COPA: variants seen among roughly 807,000 people sequenced by gnomAD.
COPA encodes coat protein complex I subunit alpha.
A neutral mutation model predicts 158.7 loss-of-function variants in COPA; 10 were observed. That is an observed-to-expected ratio of 0.06 (90% CI 0.04 to 0.11). The LOEUF (loss-of-function observed/expected upper bound fraction) is 0.11. Ranked by LOEUF, COPA falls within the 10% of genes least tolerant of loss-of-function variation. The pLI is 1.00. For synonymous variants in COPA, 462 were observed against 542.8 expected (o/e 0.85, Z 2.07); for missense variants, 1,065 against 1,536.7 (o/e 0.69, Z 5.13).
At position 160,315,528 on chromosome 1, in the gene COPA, G is replaced by A. The variant is rs1659104588; in HGVS notation, c.707-1403C>T. On this transcript the variant is annotated intron_variant, in intron 8 of 32. Coordinates refer to ENST00000241704, the MANE Select transcript of COPA (RefSeq NM_004371.4). Reference sequence around the variant, plus strand: ...AATCCCTTTGGGACCTCCCCATTCAGGACAGACAATGCTCTGGTCATTTAC... The same window carrying A: ...AATCCCTTTGGGACCTCCCCATTCAAGACAGACAATGCTCTGGTCATTTAC... 3.9e-5 allele frequency among the ~76,000 whole-genome samples: 6 copies of A among 152,324 alleles called. No homozygotes were observed. In the South Asian group the frequency reaches 1.2e-3, roughly 32 times the overall value.
chr1:160,342,052 TC>T (rs1648091187), intron 1 of COPA, among the ~76,000 whole-genome samples: 1 of 152,220 alleles, frequency 6.6e-6, no homozygotes, highest in South Asian at 2.1e-4. Flanking sequence ...CAGAATATAT[TC>T]ACACATTGAT....
At chr1:160,313,571 C>T (rs558637458) in intron 9 of COPA, among the ~76,000 whole-genome samples, 258 of 152,202 alleles carry the variant, frequency 1.7e-3, no homozygotes, top group African/African-American at 3.8e-3. Context: ...CCCGCCACCA[C>T]GCCCGGCTAA....
At chr1:160,296,970 G>T (rs1438335170) in intron 21 of COPA, among the ~76,000 whole-genome samples, 2 of 151,926 alleles carry the variant, frequency 1.3e-5, no homozygotes, top group Non-Finnish European at 2.9e-5. Flanking sequence ...GTATATAGTG[G>T]GTTCTCAAAA....
rs1390727057 is a variant in COPA, at chr1:160,297,408, T to C, written c.2198A>G (p.Tyr733Cys). The C allele has an allele frequency of 1.2e-6, 2 of 1,614,190 alleles. No homozygotes were observed. The highest frequency in any genetic ancestry group is 1.1e-5 in the South Asian group (1 of 91,078). ...ATCACCCAGGTATAGGGCATTCTGA[T>C]AGTGGCCACTCATGTCCTTTCTGAT... ...AEIRKDMSGH[Y>C]QNALYLGDVS... Residue 733 changes from tyrosine to cysteine, a missense_variant, in exon 21 of 33, where the codon TAT becomes TGT. Transcript: ENST00000241704.
At chr1:160,292,237 T>G (rs573754263) in intron 28 of COPA, 39 bp from the exon 29 acceptor site, 1 of 1,591,120 alleles carries the variant, frequency 6.3e-7, no homozygotes, top group Non-Finnish European at 8.6e-7. Context: ...GGATAGTCAG[T>G]AGGCAACTAG....
chr1:160,307,034 G>T, intron 14 of COPA, 129 bp downstream of exon 14: 1 of 870,530 alleles, frequency 1.1e-6, no homozygotes, highest in Non-Finnish European at 1.9e-6. Flanking sequence ...AGAGACAGAG[G>T]TACAGCCAAT....
intron 1 of COPA, 26 bp from the exon 2 acceptor site, chr1:160,340,320 T>C: frequency 2.1e-6 from 3 of 1,453,150 alleles, no homozygotes; most frequent in Non-Finnish European, 2.9e-6. Flanking sequence ...AATGATACAA[T>C]GAGCTAACTA....
chr1:160,293,494 T>G (rs79418075), intron 25 of COPA, 31 bp from the exon 26 acceptor site: 1 of 1,493,052 alleles, frequency 6.7e-7, no homozygotes, highest in East Asian at 2.4e-5. Flanking sequence ...GAGTATTGAG[T>G]AATTTTTTTT....
chr1:160,310,224 T>C lies in COPA; in HGVS notation c.1111A>G (p.Asn371Asp). Residue 371 changes from asparagine to aspartate, a missense_variant, in exon 12 of 33, where the codon AAT becomes GAT. Around this residue, in one of 2 missense-constraint regions of COPA, gnomAD observed 980 missense variants for 1,357.8 expected, o/e 0.72. Transcript: ENST00000241704. Reference protein sequence around the residue: ...SKFPVFNMSYNPAENAVLLCT... With the variant: ...SKFPVFNMSYDPAENAVLLCT... ...AGCAGGACTGCATTTTCTGCTGGAT[T>C]GTATGACATATTGAATACTGGAAAC... 6.2e-7 allele frequency: 1 copy of C among 1,605,616 alleles called. No homozygotes were observed. Among genetic ancestry groups the C allele is most frequent in the Non-Finnish European group, 8.5e-7 (1 of 1,175,982 alleles).
chr1:160,336,947 G>GT (rs1647794360), intron 3 of COPA, among the ~76,000 whole-genome samples: 1 of 152,108 alleles, frequency 6.6e-6, no homozygotes, highest in African/African-American at 2.4e-5. Flanking sequence ...CTGACATTAG[G>GT]TAAGTGCTCA....
Position 160,311,906 on chromosome 1 carries a change from G to A in COPA, c.1038C>T (p.Phe346=). The stretch of plus-strand genomic sequence containing the variant: ...TCACAGCTACATCTTTGGAGCTGTT[G>A]AAATCCAGCTGTCGTAAGAATCGGT... ...VKDRFLRQLD[F]NSSKDVAVMQ... Residue 346 remains phenylalanine (F), a synonymous_variant, in exon 11 of 33, where the codon TTC becomes TTT. Coordinates refer to ENST00000241704, the MANE Select transcript of COPA (RefSeq NM_004371.4). 1 of 1,614,082 alleles carries A rather than the reference G, an allele frequency of 6.2e-7. No individual in the cohort carries two copies. Among genetic ancestry groups the A allele is most frequent in the Non-Finnish European group, 8.5e-7 (1 of 1,179,964 alleles).
intron 1 of COPA, among the ~76,000 whole-genome samples, chr1:160,342,136 T>C (rs139685669): frequency 2.6e-5 from 4 of 152,332 alleles, no homozygotes; most frequent in Non-Finnish European, 5.9e-5. Flanking sequence ...TACTTTCTCA[T>C]TTTAATACTC....
chr1:160,332,440 C>A lies in COPA; in HGVS notation c.496+8G>T, dbSNP rs1229778371. Reference sequence around the variant, plus strand: ...GACCAGGTTGTCCTCTGAACTTGGGCAGCTCACCAGAAATATCCCAAACGC... The same window carrying A: ...GACCAGGTTGTCCTCTGAACTTGGGAAGCTCACCAGAAATATCCCAAACGC... On this transcript the variant is annotated splice_region_variant and intron_variant, in intron 6 of 32. Coordinates refer to ENST00000241704, the MANE Select transcript of COPA (RefSeq NM_004371.4). 2 of 1,598,060 alleles carry A rather than the reference C, an allele frequency of 1.3e-6. No individual in the cohort carries two copies. The highest frequency in any genetic ancestry group is 1.7e-6 in the Non-Finnish European group (2 of 1,172,068).
intron 7 of COPA, 87 bp from the exon 8 acceptor site, chr1:160,323,617 GTC>G: frequency 9.8e-7 from 1 of 1,020,266 alleles, no homozygotes; most frequent in Non-Finnish European, 1.4e-6. Context: ...TGTAAAAAAT[GTC>G]TCTGATTTAT....
intron 1 of COPA, among the ~76,000 whole-genome samples, chr1:160,342,835 C>T (rs1324738): frequency 0.15 from 22,796 of 152,006 alleles, 3,397 homozygotes; most frequent in African/African-American, 0.39. Context: ...AGCAGAACAA[C>T]ACAAATCGGG....
chr1:160,339,897 G>C lies in COPA; in HGVS notation c.228+12C>G. ...CTTTCCTTTATTCTCAGTTATGACA[G>C]ACCCTCTGTACCTTAATCTTATAGT... On this transcript the variant is annotated intron_variant, in intron 3 of 32. Coordinates refer to ENST00000241704, the MANE Select transcript of COPA (RefSeq NM_004371.4). The C allele has an allele frequency of 6.2e-7, 1 of 1,611,246 alleles. No individual in the cohort carries two copies. Among genetic ancestry groups the C allele is most frequent in the Non-Finnish European group, 8.5e-7 (1 of 1,177,514 alleles).
chr1:160,333,578 T>C, intron 5 of COPA, 25 bp downstream of exon 5: 2 of 1,563,694 alleles, frequency 1.3e-6, no homozygotes, highest in Non-Finnish European at 1.8e-6. Context: ...AAGACTCTTT[T>C]CGAGCCCTCT....
rs563291533 is a variant in COPA, at chr1:160,314,376, C to T, written c.707-251G>A. ...AGACATGGTGGCTCACACCTGTAATCCCAGAACTTTGGGAGGCTAAGGTAG... is the reference window on the plus strand; with the variant it reads ...AGACATGGTGGCTCACACCTGTAATTCCAGAACTTTGGGAGGCTAAGGTAG... On this transcript the variant is annotated intron_variant, in intron 8 of 32. Transcript: ENST00000241704. 4.6e-5 allele frequency among the ~76,000 whole-genome samples: 7 copies of T among 152,258 alleles called. No individual in the cohort carries two copies. The South Asian group carries it at 6.2e-4, about 14-fold the overall frequency.
At chr1:160,314,759 A>G (rs913564446) in intron 8 of COPA, among the ~76,000 whole-genome samples, 2 of 152,072 alleles carry the variant, frequency 1.3e-5, no homozygotes, top group Non-Finnish European at 2.9e-5. Context: ...CTGCCACTTT[A>G]GGAGTTGCCA....
Sources: gnomAD v4.1 joint callset for allele counts (sites outside exome capture counted in the v4.1 genomes callset) on GRCh38, gnomAD v4.1.1 for gene constraint, gnomAD v4.1.1 regional missense constraint, MANE v1.5 for transcripts, NCBI Gene and HGNC (gene_info 2026-07-23, HGNC 2026-07-21) for gene names.